AFTPH: variants seen among roughly 807,000 people sequenced by gnomAD.
AFTPH encodes the protein aftiphilin.
Under a neutral mutation model 72.5 loss-of-function variants are expected in AFTPH, and 7 were observed. The ratio of observed to expected loss-of-function variants is 0.10; its 90% CI spans 0.05 to 0.18. AFTPH has a LOEUF of 0.18. AFTPH is among the 10% of genes least tolerant of loss of function. The probability of loss-of-function intolerance (pLI) is 1.00; values close to 1 mark genes in which losing one functional copy is unlikely to be tolerated. For missense variants in AFTPH, 979 were observed against 1,060.5 expected, an observed-to-expected ratio of 0.92 and a Z score of 1.07; for synonymous variants, 337 against 370.1, an observed-to-expected ratio of 0.91 and a Z score of 1.03.
At chr2:64,571,706 G>GT (rs1368793574) in intron 5 of AFTPH, among the ~76,000 whole-genome samples, 3 of 151,994 alleles carry the variant, frequency 2.0e-5, no homozygotes, top group Admixed American at 6.5e-5. Flanking sequence ...TTTTGTTTTT[G>GT]TTTTTTTGGC....
intron 1 of AFTPH, among the ~76,000 whole-genome samples, chr2:64,541,035 G>T (rs1030426310): frequency 3.9e-5 from 6 of 152,066 alleles, no homozygotes; most frequent in Non-Finnish European, 1.5e-5. Context: ...TGATTAACTT[G>T]TGATTAATTC....
intron 5 of AFTPH, among the ~76,000 whole-genome samples, chr2:64,571,101 T>G (rs1474078630): frequency 6.6e-6 from 1 of 152,084 alleles, no homozygotes; most frequent in East Asian, 1.9e-4. Context: ...TATAGCTAAA[T>G]TTACCCATGG....
At chr2:64,572,804 A>T (rs1672522831) in intron 5 of AFTPH, 142 bp from the exon 6 acceptor site, 7 of 80,030 alleles carry the variant, frequency 8.7e-5, no homozygotes, top group South Asian at 5.0e-4. Context: ...CTTGTCTCTT[A>T]AAAAAAAAAA....
intron 2 of AFTPH, among the ~76,000 whole-genome samples, chr2:64,561,264 G>A (rs535923998): frequency 1.3e-5 from 2 of 152,326 alleles, no homozygotes; most frequent in Admixed American, 6.5e-5. Context: ...GAATGAAAAG[G>A]TGTGACTGAG....
intron 8 of AFTPH, among the ~76,000 whole-genome samples, chr2:64,590,889 A>G (rs1390346870): frequency 6.6e-6 from 1 of 152,206 alleles, no homozygotes; most frequent in East Asian, 1.9e-4. Context: ...ACCCCATCCA[A>G]GGAAAAAGGA....
At chr2:64,578,542 ACCCCTGG>A (rs1672964029) in intron 6 of AFTPH, among the ~76,000 whole-genome samples, 4 of 146,816 alleles carry the variant, frequency 2.7e-5, no homozygotes, top group Non-Finnish European at 4.4e-5. Flanking sequence ...CGAAATTTAA[ACCCCTGG>A]AATAGTGAAT....
At chr2:64,543,537 A>G (rs761712334) in intron 1 of AFTPH, among the ~76,000 whole-genome samples, 5 of 152,108 alleles carry the variant, frequency 3.3e-5, no homozygotes, top group Non-Finnish European at 5.9e-5. Context: ...AACTATCTGG[A>G]GCTTATTTCT....
At chr2:64,583,907 A>G (rs1673351539) in intron 7 of AFTPH, among the ~76,000 whole-genome samples, 1 of 152,174 alleles carries the variant, frequency 6.6e-6, no homozygotes, top group African/African-American at 2.4e-5. Context: ...AAAGTTGGTT[A>G]ATAGAAGTCA....
chr2:64,545,973 A>G (rs1477949460), intron 1 of AFTPH, among the ~76,000 whole-genome samples: 1 of 151,844 alleles, frequency 6.6e-6, no homozygotes, highest in Non-Finnish European at 1.5e-5. Context: ...TCTCACTGCA[A>G]CCTCTGCCTC....
chr2:64,544,809 C>T (rs117469421), intron 1 of AFTPH, among the ~76,000 whole-genome samples: 1 of 152,148 alleles, frequency 6.6e-6, no homozygotes, highest in Non-Finnish European at 1.5e-5. Flanking sequence ...CAGTGGCACT[C>T]TCTTAGGTTT....
intron 8 of AFTPH, among the ~76,000 whole-genome samples, chr2:64,589,036 T>C (rs1673668726): frequency 6.6e-6 from 1 of 152,230 alleles, no homozygotes; most frequent in African/African-American, 2.4e-5. Flanking sequence ...CTTGATAGTA[T>C]TCTTTGACAC....
At chr2:64,524,979 G>T (rs192293854) in intron 1 of AFTPH, among the ~76,000 whole-genome samples, 30 of 152,346 alleles carry the variant, frequency 2.0e-4, no homozygotes, top group African/African-American at 7.0e-4. Context: ...GAAGTTTGGG[G>T]CTTTGCTTGG....
intron 5 of AFTPH, among the ~76,000 whole-genome samples, chr2:64,571,017 T>G (rs570867119): frequency 2.4e-4 from 35 of 147,970 alleles, no homozygotes; most frequent in Middle Eastern, 7.1e-3. Context: ...TTAATGAATT[T>G]AAATGTATCT....
At chr2:64,526,322 A>G (rs1027421296) in intron 1 of AFTPH, among the ~76,000 whole-genome samples, 28 of 152,190 alleles carry the variant, frequency 1.8e-4, no homozygotes, top group Non-Finnish European at 8.8e-5. Context: ...ATAATGTTTT[A>G]TTTTGTGTGA....
chr2:64,578,397 AAAG>A (rs1333866495), intron 6 of AFTPH, among the ~76,000 whole-genome samples: 1 of 152,216 alleles, frequency 6.6e-6, no homozygotes. Flanking sequence ...CCCCAAAAGA[AAAG>A]AAAAAAACAA....
chr2:64,560,487 C>T (rs967095003), intron 2 of AFTPH, among the ~76,000 whole-genome samples: 1 of 152,106 alleles, frequency 6.6e-6, no homozygotes, highest in Non-Finnish European at 1.5e-5. Context: ...GCTAAAAAAG[C>T]AAATGTACCT....
At chr2:64,562,214 ATGTCT>A (rs1056318497) in intron 2 of AFTPH, among the ~76,000 whole-genome samples, 57 of 152,186 alleles carry the variant, frequency 3.7e-4, no homozygotes, top group African/African-American at 1.3e-3. Context: ...TGGCTATTTT[ATGTCT>A]TGTAATTATT....
At chr2:64,585,515 C>G in exon 8 of AFTPH, 1 of 1,613,050 alleles carries the variant, frequency 6.2e-7, no homozygotes, top group Non-Finnish European at 8.5e-7. Flanking sequence ...AGACTCATGT[C>G]TACAGTAGAG....
chr2:64,552,009 C>G, exon 2 of AFTPH: 2 of 1,613,854 alleles, frequency 1.2e-6, no homozygotes, highest in Non-Finnish European at 1.7e-6. Flanking sequence ...GCCTCCTTGT[C>G]TGGAGATTCT....
Sources: gnomAD v4.1 joint callset for allele counts (sites outside exome capture counted in the v4.1 genomes callset) on GRCh38, gnomAD v4.1.1 for gene constraint, MANE v1.5 for transcripts, NCBI Gene and HGNC (gene_info 2026-07-23, HGNC 2026-07-21) for gene names.